The following DLG5 variants were observed in gnomAD, a reference collection of about 807,000 sequenced individuals.
The protein encoded by DLG5 is discs large MAGUK scaffold protein 5, also known as disks large homolog 5.
In DLG5, 48 loss-of-function variants were observed where a neutral mutation model predicts 189.8. That is an observed-to-expected ratio of 0.25 (90% CI 0.20 to 0.32). DLG5 has a LOEUF of 0.32. DLG5 is among the 10% of genes least tolerant of loss of function. The pLI is 1.00. For missense variants in DLG5, 2,160 were observed against 2,544.7 expected, an observed-to-expected ratio of 0.85 and a Z score of 3.25; for synonymous variants, 1,016 against 1,054.1, an observed-to-expected ratio of 0.96 and a Z score of 0.70.
At chr10:77,871,470 C>T (rs1844894646) in intron 1 of DLG5, among the ~76,000 whole-genome samples, 1 of 149,922 alleles carries the variant, frequency 6.7e-6, no homozygotes, top group Non-Finnish European at 1.5e-5. Flanking sequence ...CCAACCCACA[C>T]TATTAGTTTT....
Position 77,926,534 on chromosome 10 carries a change from G to GCCGCC in DLG5, c.-19_-15dup, listed in dbSNP as rs1429407326. 1.7e-5 allele frequency: 22 copies of GCCGCC among 1,260,090 alleles called. No individual in the cohort carries two copies. Among genetic ancestry groups the GCCGCC allele is most frequent in the South Asian group, 1.6e-4 (5 of 31,594 alleles). 78.1% of individuals were successfully genotyped at this position (1,260,090 alleles called of 1,614,324 possible). On this transcript the variant is annotated 5_prime_UTR_variant, in exon 1 of 32. Transcript: ENST00000372391. The surrounding 1 kb of genome is among the most constrained non-coding windows in gnomAD (Gnocchi z 5.2). ...CTGGGGCTCCATGGTGGCGGGCCGC[G>GCCGCC]CCGCCCCGCCCCGCCGGACGCCTCC...
At chr10:77,857,841 G>A (rs533969531) in intron 2 of DLG5, among the ~76,000 whole-genome samples, 23 of 152,320 alleles carry the variant, frequency 1.5e-4, no homozygotes, top group Non-Finnish European at 2.4e-4. Context: ...CCAATTTGTG[G>A]ATGGGATCTG....
At position 77,828,732 on chromosome 10, in the gene DLG5, C is replaced by T. The variant is rs1842761379; in HGVS notation, c.2289+150G>A. ...TTTTCTACAGTAAATAGAAACATAC[C>T]ATCAAGAAACCTATTTTTAAATGTT... On this transcript the variant is annotated intron_variant, in intron 13 of 31. Transcript: ENST00000372391. 1.4e-5 allele frequency: 10 copies of T among 701,224 alleles called. No individual in the cohort carries two copies. The Admixed American group carries it at 2.1e-4, about 15-fold the overall frequency. 43.4% of individuals were successfully genotyped at this position (701,224 alleles called of 1,614,324 possible).
At chr10:77,870,813 T>C (rs1454552568) in intron 1 of DLG5, among the ~76,000 whole-genome samples, 4 of 151,530 alleles carry the variant, frequency 2.6e-5, no homozygotes, top group Admixed American at 6.6e-5. Flanking sequence ...GGGAGGGAGA[T>C]GCACTGTAGG....
chr10:77,870,795 C>A (rs913487206), intron 1 of DLG5, among the ~76,000 whole-genome samples: 2 of 149,558 alleles, frequency 1.3e-5, no homozygotes, highest in Non-Finnish European at 1.5e-5. Context: ...AATGGGGGAG[C>A]GGGGCAGGGG....
At chr10:77,913,777 T>A (rs1487676607) in intron 1 of DLG5, among the ~76,000 whole-genome samples, 1 of 151,992 alleles carries the variant, frequency 6.6e-6, no homozygotes, top group Non-Finnish European at 1.5e-5. Flanking sequence ...TTTGTAGACA[T>A]GGGGTTTTGC....
rs934839725 is a variant in DLG5 at position 77,819,172 on chromosome 10, C to T, written c.3671+149G>A. 3 of 1,124,954 alleles carry T rather than the reference C, an allele frequency of 2.7e-6. No homozygotes were observed. The African/African-American group carries it at 4.7e-5, about 17-fold the overall frequency. 69.7% of individuals were successfully genotyped at this position (1,124,954 alleles called of 1,614,324 possible). ...ATGAATTCAGAAAGCAGCCCTAAGG[C>T]TCCCTTTCCCTGTGCTGCTCTAGCC... On this transcript the variant is annotated intron_variant, in intron 17 of 31. Transcript: ENST00000372391.
intron 1 of DLG5, among the ~76,000 whole-genome samples, chr10:77,892,237 C>T (rs1182220086): frequency 6.6e-6 from 1 of 152,206 alleles, no homozygotes; most frequent in Non-Finnish European, 1.5e-5. Context: ...CCTCGTGACC[C>T]ATAAGCAGCC....
At position 77,819,923 on chromosome 10, in the gene DLG5, G is replaced by A. The variant is rs373770835; in HGVS notation, c.3498C>T (p.Pro1166=). The change falls in exon 16 of 32, where the codon CCC becomes CCT. Residue 1166 remains proline (P), a synonymous_variant. Coordinates refer to ENST00000372391, the MANE Select transcript of DLG5 (RefSeq NM_004747.4). ...SPGHSSRHSN[P]PLYPSRPSVG... ...CAGACGGCCTGCTAGGGTATAGCGG[G>A]GGGTTGCTGTGCCGGCTGGAATGCC... The A allele has an allele frequency of 1.9e-5, 30 of 1,602,748 alleles. No homozygotes were observed. The highest frequency in any genetic ancestry group is 2.4e-5 in the Non-Finnish European group (28 of 1,174,860).
Position 77,829,481 on chromosome 10 carries a change from C to G in DLG5, c.2059G>C (p.Asp687His). Residue 687 changes from aspartate (D) to histidine (H), a missense_variant, in exon 12 of 32, where the codon GAC becomes CAC. By Grantham distance (81) the Asp-to-His change is moderately conservative. Around this residue, in one of 5 missense-constraint regions of DLG5, gnomAD observed 107 missense variants for 214.5 expected, o/e 0.50. Transcript: ENST00000372391. ...AGCGCCTTGATGGCCTGCTTCTTGTCCTTGTTGATGAGGTCCACATCGTTG... is the reference window on the plus strand; with the variant it reads ...AGCGCCTTGATGGCCTGCTTCTTGTGCTTGTTGATGAGGTCCACATCGTTG... The part of the protein sequence containing the change: ...RINDVDLINK[D>H]KKQAIKALLN... 1 of 1,614,040 alleles carries G rather than the reference C, an allele frequency of 6.2e-7. No homozygotes were observed. The highest frequency in any genetic ancestry group is 8.5e-7 in the Non-Finnish European group (1 of 1,179,976).
At chr10:77,841,706 C>T (rs1843424076) in intron 7 of DLG5, among the ~76,000 whole-genome samples, 175 bp downstream of exon 7, 1 of 152,196 alleles carries the variant, frequency 6.6e-6, no homozygotes, top group African/African-American at 2.4e-5. Context: ...TAGAGCTGGG[C>T]ATTAAGCATG....
intron 1 of DLG5, among the ~76,000 whole-genome samples, chr10:77,911,771 G>A (rs887561275): frequency 3.3e-5 from 5 of 152,090 alleles, no homozygotes; most frequent in African/African-American, 2.4e-5. Flanking sequence ...TAATGGCACC[G>A]CTTTCCACAC....
chr10:77,870,639 C>T (rs1232775888), intron 1 of DLG5, among the ~76,000 whole-genome samples: 1 of 151,846 alleles, frequency 6.6e-6, no homozygotes, highest in Non-Finnish European at 1.5e-5. Flanking sequence ...GAGCCATGAT[C>T]ATGCCACTGC....
chr10:77,868,285 T>C (rs1231566390), intron 2 of DLG5: 1 of 366,018 alleles, frequency 2.7e-6, no homozygotes, highest in Admixed American at 3.4e-5. Flanking sequence ...TTTAACTGTT[T>C]CCCACCAAAA....
At chr10:77,850,266 T>C (rs1426469884) in intron 5 of DLG5, among the ~76,000 whole-genome samples, 1 of 152,194 alleles carries the variant, frequency 6.6e-6, no homozygotes, top group Non-Finnish European at 1.5e-5. Context: ...TAGATTTCCC[T>C]GTTGTGGACA....
rs150457635 is a variant in DLG5 at position 77,847,345 on chromosome 10, C to T, written c.865-3639G>A. 2.4e-3 allele frequency among the ~76,000 whole-genome samples: 364 copies of T among 152,256 alleles called. 2 individuals carry two copies. The highest frequency in any genetic ancestry group is 0.023 in the South Asian group (112 of 4,810). Reference sequence around the variant, plus strand: ...GGGTCGTGCTCACCGGGAGCTACTCCGCCTCCCTGCAACTCCTAACCTCTG... The same window carrying T: ...GGGTCGTGCTCACCGGGAGCTACTCTGCCTCCCTGCAACTCCTAACCTCTG... On this transcript the variant is annotated intron_variant, in intron 5 of 31. Transcript: ENST00000372391.
rs1842791868 is a variant in DLG5, at chr10:77,829,302, A to G, written c.2185+53T>C. ...AGGGGCACCCCCGGCCCCTGTCCACAAAAAAGGGCCCCAGCCACCTGAGGC... is the reference window on the plus strand; with the variant it reads ...AGGGGCACCCCCGGCCCCTGTCCACGAAAAAGGGCCCCAGCCACCTGAGGC... On this transcript the variant is annotated intron_variant, in intron 12 of 31. Coordinates refer to ENST00000372391, the MANE Select transcript of DLG5 (RefSeq NM_004747.4). 2.5e-6 allele frequency: 4 copies of G among 1,609,772 alleles called. No homozygotes were observed. The South Asian group carries it at 4.4e-5, about 18-fold the overall frequency.
At chr10:77,886,266 C>T (rs117621203) in intron 1 of DLG5, among the ~76,000 whole-genome samples, 3,815 of 152,232 alleles carry the variant, frequency 0.025, 123 homozygotes, top group Non-Finnish European at 0.031. Flanking sequence ...TCTGCACACG[C>T]ACCCTGGGCT....
At chr10:77,887,255 C>T (rs1845467474) in intron 1 of DLG5, among the ~76,000 whole-genome samples, 1 of 152,172 alleles carries the variant, frequency 6.6e-6, no homozygotes, top group Non-Finnish European at 1.5e-5. Context: ...TGACCAGATG[C>T]ACCCACCTCC....
Sources: gnomAD v4.1 joint callset for allele counts (sites outside exome capture counted in the v4.1 genomes callset) on GRCh38, gnomAD v4.1.1 for gene constraint, gnomAD v4.1.1 regional missense constraint, Gnocchi (gnomAD v3.1) non-coding constraint, MANE v1.5 for transcripts, NCBI Gene and HGNC (gene_info 2026-07-23, HGNC 2026-07-21) for gene names.